Variants in ZNF131 observed in about 807,000 individuals in gnomAD.
ZNF131 encodes the protein zinc finger protein 131.
Under a neutral mutation model 60.0 loss-of-function variants are expected in ZNF131, and 7 were observed. The ratio of observed to expected loss-of-function variants is 0.12; its 90% CI spans 0.07 to 0.22. The LOEUF (loss-of-function observed/expected upper bound fraction) is 0.22, where lower values mean the gene tolerates loss of function less well. ZNF131 is among the 10% of genes least tolerant of loss of function. ZNF131 has a pLI of 1.00. For missense variants in ZNF131, 493 were observed against 740.9 expected, an observed-to-expected ratio of 0.67 and a Z score of 3.88; for synonymous variants, 257 against 253.2, an observed-to-expected ratio of 1.01 and a Z score of -0.14.
intron 4 of ZNF131, among the ~76,000 whole-genome samples, chr5:43,142,265 C>T (rs1746944892): frequency 6.8e-6 from 1 of 147,372 alleles, no homozygotes; most frequent in Admixed American, 6.7e-5. Context: ...TTGCTTGAAC[C>T]CGGGAGGCGG....
chr5:43,140,410 GTCC>G (rs1424478677), intron 4 of ZNF131, among the ~76,000 whole-genome samples: 1 of 152,154 alleles, frequency 6.6e-6, no homozygotes, highest in East Asian at 1.9e-4. Context: ...TGTCAGCTGT[GTCC>G]TCCTCTGTCA....
Position 43,161,503 on chromosome 5 carries a change from C to G in ZNF131, c.626C>G (p.Ser209Cys). 3.7e-6 allele frequency: 6 copies of G among 1,614,264 alleles called. No individual in the cohort carries two copies. The highest frequency in any genetic ancestry group is 1.1e-5 in the South Asian group (1 of 91,092). ...YIQSTGSSDD[S>C]ALALLADITS... ...CAGAGCACAGGTTCCTCTGATGATT[C>G]TGCTCTAGCACTGTTGGCAGATATT... The change falls in exon 5 of 7, where the codon TCT becomes TGT. Residue 209 changes from serine to cysteine, a missense_variant. Ser to Cys is a moderately radical substitution (Grantham distance 112, BLOSUM62 -1). Around this residue, in one of 7 missense-constraint regions of ZNF131, gnomAD observed 138 missense variants for 158.7 expected, o/e 0.87. Coordinates refer to ENST00000682664, the MANE Select transcript of ZNF131 (RefSeq NM_001330707.2).
chr5:43,139,155 T>G lies in ZNF131; in HGVS notation c.227-10T>G. The G allele has an allele frequency of 6.3e-7, 1 of 1,580,736 alleles. No individual in the cohort carries two copies. The highest frequency in any genetic ancestry group is 8.6e-7 in the Non-Finnish European group (1 of 1,165,834). On this transcript the variant is annotated splice_polypyrimidine_tract_variant and intron_variant, in intron 3 of 6. Transcript: ENST00000682664. ...ATGATTACATGCTCTAATGTACATC[T>G]TCTTTACAGGTGTTAGTAAAATGGC...
intron 4 of ZNF131, among the ~76,000 whole-genome samples, chr5:43,156,047 C>G (rs1748922772): frequency 6.6e-6 from 1 of 152,210 alleles, no homozygotes; most frequent in African/African-American, 2.4e-5. Flanking sequence ...CTGCACTGTT[C>G]TGTTAGCTTT....
At chr5:43,133,401 C>T (rs140835433) in intron 3 of ZNF131, among the ~76,000 whole-genome samples, 218 of 152,144 alleles carry the variant, frequency 1.4e-3, no homozygotes, top group Middle Eastern at 3.4e-3. Context: ...GGGAGGCGGA[C>T]GTTGCAGTGA....
chr5:43,143,364 T>C, intron 4 of ZNF131: 1 of 1,329,494 alleles, frequency 7.5e-7, no homozygotes, highest in Non-Finnish European at 9.6e-7. Context: ...GGATTTTAGA[T>C]CTTGTTGAAA....
intron 1 of ZNF131, chr5:43,121,567 C>G (rs1743810030): frequency 6.5e-6 from 1 of 153,014 alleles, no homozygotes; most frequent in Middle Eastern, 3.4e-3. Flanking sequence ...CTCCTTCCCT[C>G]AGTGAGTGCC....
intron 3 of ZNF131, among the ~76,000 whole-genome samples, chr5:43,125,389 C>T (rs899441865): frequency 2.0e-5 from 3 of 151,672 alleles, no homozygotes; most frequent in African/African-American, 7.3e-5. Context: ...GAATTCCCCA[C>T]CTCAGGTGAT....
intron 4 of ZNF131, among the ~76,000 whole-genome samples, chr5:43,154,479 G>A (rs983701801): frequency 6.6e-6 from 1 of 152,146 alleles, no homozygotes; most frequent in African/African-American, 2.4e-5. Flanking sequence ...GCCCTGCAGT[G>A]GGGTCACAGC....
At chr5:43,143,317 G>A (rs1030901733) in intron 4 of ZNF131, 51 of 1,212,680 alleles carry the variant, frequency 4.2e-5, no homozygotes, top group Non-Finnish European at 4.9e-5. Context: ...CACTGCGCCC[G>A]GCCTCAAGCT....
At position 43,132,999 on chromosome 5, in the gene ZNF131, T is replaced by C. The variant is rs1219538597; in HGVS notation, c.227-6166T>C. Among the ~76,000 whole-genome samples the C allele has an allele frequency of 5.1e-4, 78 of 152,212 alleles. 2 individuals carry two copies. Among genetic ancestry groups the C allele is most frequent in the Admixed American group, 5.1e-3 (78 of 15,282 alleles). On this transcript the variant is annotated intron_variant, in intron 3 of 6. Transcript: ENST00000682664. ...GACTTGGGCATTTCTTAGTCTAAAA[T>C]CTATGTTAAATGTAGGTTTTCTTTT...
chr5:43,172,288 CAG>C (rs1025747014), intron 5 of ZNF131, among the ~76,000 whole-genome samples: 2 of 152,170 alleles, frequency 1.3e-5, no homozygotes, highest in African/African-American at 2.4e-5. Flanking sequence ...ACAACATACT[CAG>C]AAATGTTTTC....
At chr5:43,132,505 C>CTTTTTTT (rs4050538) in intron 3 of ZNF131, among the ~76,000 whole-genome samples, 1 of 93,504 alleles carries the variant, frequency 1.1e-5, no homozygotes, top group Non-Finnish European at 2.0e-5. Flanking sequence ...GAATGGTATT[C>CTTTTTTT]TTTTTTTTTT....
intron 5 of ZNF131, among the ~76,000 whole-genome samples, chr5:43,168,524 G>A (rs1456354113): frequency 6.6e-6 from 1 of 152,184 alleles, no homozygotes; most frequent in Non-Finnish European, 1.5e-5. Flanking sequence ...GATCTAGAGT[G>A]GAGTAAGGGT....
intron 3 of ZNF131, among the ~76,000 whole-genome samples, chr5:43,132,731 T>C (rs770708683): frequency 1.3e-5 from 2 of 152,162 alleles, no homozygotes; most frequent in Non-Finnish European, 2.9e-5. Flanking sequence ...CAGGGTGGTC[T>C]CGAACTCCTG....
intron 4 of ZNF131, 48 bp from the exon 5 acceptor site, chr5:43,161,201 G>C: frequency 6.7e-7 from 1 of 1,501,504 alleles, no homozygotes; most frequent in Non-Finnish European, 8.9e-7. Context: ...AAAAAGCCTG[G>C]TAGGATCTTC....
In ZNF131 at chr5:43,120,935, C is replaced by T. The variant is rs941236140; in HGVS notation, c.-204C>T. 2.0e-5 allele frequency: 3 copies of T among 152,186 alleles called. No homozygotes were observed. Among genetic ancestry groups the T allele is most frequent in the African/African-American group, 7.2e-5 (3 of 41,450 alleles). 9.4% of individuals were successfully genotyped at this position (152,186 alleles called of 1,614,324 possible). A position where few individuals can be genotyped will look rare whatever the true frequency, so the allele number is the denominator to read the frequency against. ...TGCCGGGGCCGCGGCCGCCCGGGTG[C>T]CCAACCGAACGCACGTGCGCCAGCG... is the stretch of plus-strand genomic sequence containing the variant. On this transcript the variant is annotated 5_prime_UTR_variant, in exon 1 of 7. Transcript: ENST00000682664.
At chr5:43,140,003 C>T (rs1321221160) in intron 4 of ZNF131, among the ~76,000 whole-genome samples, 1 of 152,074 alleles carries the variant, frequency 6.6e-6, no homozygotes, top group East Asian at 1.9e-4. Flanking sequence ...ATAGCTTATG[C>T]CCAGGAGTTC....
At chr5:43,154,414 C>CA (rs796301323) in intron 4 of ZNF131, among the ~76,000 whole-genome samples, 2,113 of 127,392 alleles carry the variant, frequency 0.017, 22 homozygotes, top group African/African-American at 0.038. Flanking sequence ...ACTCCGTCTC[C>CA]AAAAAAAAAA....
Sources: allele counts gnomAD v4.1 joint callset (sites outside exome capture counted in the v4.1 genomes callset), GRCh38; gene constraint gnomAD v4.1.1; regional missense constraint gnomAD v4.1.1; transcripts MANE v1.5; gene names NCBI Gene and HGNC (gene_info 2026-07-23, HGNC 2026-07-21).